The following ZFP64 variants were observed in gnomAD, a reference collection of about 807,000 sequenced individuals.
ZFP64 encodes the protein zinc finger protein 64.
ZFP64 carries 14 observed loss-of-function variants against 51.6 expected under a neutral mutation model. The observed-to-expected ratio is 0.27, with a 90% CI of 0.18 to 0.42. The LOEUF (loss-of-function observed/expected upper bound fraction) is 0.42, where lower values mean the gene tolerates loss of function less well. Among genes scored for constraint, ZFP64 ranks in the 10% least tolerant of loss-of-function variants. The probability of loss-of-function intolerance (pLI) is 1.00; values close to 1 mark genes in which losing one functional copy is unlikely to be tolerated. For missense variants in ZFP64, 754 were observed against 906.8 expected (o/e 0.83, Z 2.16); for synonymous variants, 375 against 361.4 (o/e 1.04, Z -0.43).
In ZFP64 at chr20:52,152,461, C is replaced by T. The variant is rs1157627900; in HGVS notation, c.1731G>A (p.Thr577=). 6 of 1,613,494 alleles carry T rather than the reference C, an allele frequency of 3.7e-6. No homozygotes were observed. The highest frequency in any genetic ancestry group is 1.7e-5 in the Admixed American group (1 of 59,998). Residue 577 remains threonine (T), a synonymous_variant, in exon 6 of 6, where the codon ACG becomes ACA. Coordinates refer to ENST00000216923, the MANE Select transcript of ZFP64 (RefSeq NM_018197.3). ...PAVLLTTHEQ[T]DGATLHQTLI... is the part of the protein sequence containing the mutation. ...GAGTCTGGTGCAGAGTGGCTCCGTC[C>T]GTCTGCTCGTGGGTGGTCAGCAGGA...
At chr20:52,127,578 T>A (rs1979507318) in intron 5 of ZFP64, among the ~76,000 whole-genome samples, 1 of 152,194 alleles carries the variant, frequency 6.6e-6, no homozygotes, top group South Asian at 2.1e-4. Context: ...GCCATGACTG[T>A]AACTTTCCTG....
chr20:52,117,793 A>G, intron 5 of ZFP64: 1 of 411,152 alleles, frequency 2.4e-6, no homozygotes, highest in Admixed American at 2.9e-5. Context: ...TTTTATGATT[A>G]TTATTCTTTT....
Position 52,092,995 on chromosome 20 carries a change from A to G in ZFP64, c.977-4352T>C, listed in dbSNP as rs140569057. 1.3e-4 allele frequency among the ~76,000 whole-genome samples: 20 copies of G among 152,270 alleles called. No homozygotes were observed. In the East Asian group the frequency reaches 3.7e-3, roughly 28 times the overall value. ...GGGAGAATTATGCTTCCCTGTCCCA[A>G]TAGCCTCTGGTTTGGACATGACGTA... On this transcript the variant is annotated intron_variant, in intron 7 of 8. Coordinates refer to the ZFP64 transcript ENST00000361387.
intron 2 of ZFP64, chr20:52,175,983 C>A: frequency 1.0e-6 from 1 of 985,484 alleles, no homozygotes; most frequent in Non-Finnish European, 1.2e-6. Context: ...CCCAAATGTC[C>A]CTCCCCAGGG....
chr20:52,175,276 C>T (rs147269214), intron 2 of ZFP64, among the ~76,000 whole-genome samples: 4,049 of 152,252 alleles, frequency 0.027, 178 homozygotes, highest in African/African-American at 0.092. Context: ...GTATGCGCCA[C>T]CACGCCCAGC....
chr20:52,155,783 T>A (rs1037584242), intron 5 of ZFP64, among the ~76,000 whole-genome samples: 2 of 152,146 alleles, frequency 1.3e-5, no homozygotes, highest in African/African-American at 4.8e-5. Flanking sequence ...GTCTGGCACA[T>A]AGCGAGGTTT....
intron 2 of ZFP64, among the ~76,000 whole-genome samples, chr20:52,174,016 T>C (rs1568698503): frequency 6.6e-6 from 1 of 152,190 alleles, no homozygotes; most frequent in Non-Finnish European, 1.5e-5. Flanking sequence ...TGAGAAATTA[T>C]TAAATGACTA....
At chr20:52,111,146 C>A in intron 5 of ZFP64, 1 of 697,738 alleles carries the variant, frequency 1.4e-6, no homozygotes. Flanking sequence ...CCGGGTTCCG[C>A]GACGGGGAGG....
chr20:52,171,853 T>G (rs1982767828), intron 2 of ZFP64, among the ~76,000 whole-genome samples: 1 of 151,958 alleles, frequency 6.6e-6, no homozygotes, highest in African/African-American at 2.4e-5. Flanking sequence ...GTTCAAGCGA[T>G]TCTCCCGCCT....
intron 2 of ZFP64, among the ~76,000 whole-genome samples, chr20:52,177,866 A>G (rs796192473): frequency 2.0e-4 from 31 of 152,148 alleles, no homozygotes; most frequent in African/African-American, 7.5e-4. Context: ...CCCCGTCACT[A>G]CTAAAAAATA....
chr20:52,190,181 C>T (rs1359220602), intron 1 of ZFP64, among the ~76,000 whole-genome samples: 2 of 152,162 alleles, frequency 1.3e-5, no homozygotes, highest in Non-Finnish European at 2.9e-5. Context: ...GAAACCTTTT[C>T]TTCTCTGGCA....
chr20:52,175,856 C>CCCCCG, intron 2 of ZFP64: 2 of 274,108 alleles, frequency 7.3e-6, no homozygotes, highest in Non-Finnish European at 1.1e-5. Flanking sequence ...CCCCGCACCC[C>CCCCCG]CGCTGCCGCC....
intron 5 of ZFP64, chr20:52,104,772 C>A: frequency 1.8e-6 from 1 of 560,276 alleles, no homozygotes; most frequent in Non-Finnish European, 3.5e-6. Flanking sequence ...ACCTTCCAGG[C>A]GCGCAGCCGA....
intron 5 of ZFP64, among the ~76,000 whole-genome samples, chr20:52,154,650 A>G (rs1981158149): frequency 6.6e-6 from 1 of 152,130 alleles, no homozygotes; most frequent in South Asian, 2.1e-4. Flanking sequence ...AGAGGCCTAA[A>G]CCTAAACTTG....
chr20:52,142,090 G>A (rs537001189), intron 5 of ZFP64, among the ~76,000 whole-genome samples: 1 of 152,086 alleles, frequency 6.6e-6, no homozygotes, highest in Non-Finnish European at 1.5e-5. Flanking sequence ...TAATGGGCCT[G>A]GCGCGGTGGC....
At chr20:52,112,049 T>C (rs1294622648) in intron 5 of ZFP64, among the ~76,000 whole-genome samples, 1 of 133,774 alleles carries the variant, frequency 7.5e-6, no homozygotes, top group East Asian at 2.3e-4. Flanking sequence ...GCCACTGCAC[T>C]CCAGCCTGGG....
chr20:52,151,421 T>C lies in ZFP64; in HGVS notation c.*725A>G, dbSNP rs1266597802. 2 of 985,254 alleles carry C rather than the reference T, an allele frequency of 2.0e-6. No individual in the cohort carries two copies. The highest frequency in any genetic ancestry group is 1.7e-5 in the African/African-American group (1 of 57,210). 61.0% of individuals were successfully genotyped at this position (985,254 alleles called of 1,614,324 possible). A position where few individuals can be genotyped will look rare whatever the true frequency, so the allele number is the denominator to read the frequency against. On this transcript the variant is annotated 3_prime_UTR_variant, in exon 6 of 6. Coordinates refer to ENST00000216923, the MANE Select transcript of ZFP64 (RefSeq NM_018197.3). ...CCAACAGACTTACATGTATAAAACATGAACACCCCCAAACTCTGGGGAGTA... is the reference window on the plus strand; with the variant it reads ...CCAACAGACTTACATGTATAAAACACGAACACCCCCAAACTCTGGGGAGTA...
intron 5 of ZFP64, among the ~76,000 whole-genome samples, chr20:52,122,795 G>A (rs774541171): frequency 1.6e-4 from 24 of 152,154 alleles, no homozygotes; most frequent in Non-Finnish European, 3.1e-4. Context: ...CAGAAGTGGA[G>A]CCTGAACTAC....
intron 5 of ZFP64, among the ~76,000 whole-genome samples, chr20:52,131,541 A>G (rs927431930): frequency 1.2e-4 from 19 of 152,240 alleles, no homozygotes; most frequent in African/African-American, 4.6e-4. Context: ...TTCTATGCCA[A>G]TGGAAACCAA....
Sources: gnomAD v4.1 joint callset for allele counts (sites outside exome capture counted in the v4.1 genomes callset) on GRCh38, gnomAD v4.1.1 for gene constraint, MANE v1.5 for transcripts, NCBI Gene and HGNC (gene_info 2026-07-23, HGNC 2026-07-21) for gene names.